Variants in LRP11 observed in about 807,000 individuals in gnomAD.
LRP11 encodes LDL receptor related protein 11.
LRP11 carries 25 observed loss-of-function variants against 43.1 expected under a neutral mutation model. That is an observed-to-expected ratio of 0.58 (90% CI 0.42 to 0.81). The LOEUF is 0.81. Among genes scored for constraint, LRP11 ranks in the 30% least tolerant of loss-of-function variants. LRP11 has a pLI of 0.00. For synonymous variants in LRP11, 316 were observed against 299.4 expected, an observed-to-expected ratio of 1.06 and a Z score of -0.57; for missense variants, 623 against 665.1, an observed-to-expected ratio of 0.94 and a Z score of 0.70.
At chr6:149,823,137 G>A (rs1352019735) in intron 6 of LRP11, among the ~76,000 whole-genome samples, 1 of 152,164 alleles carries the variant, frequency 6.6e-6, no homozygotes, top group Non-Finnish European at 1.5e-5. Flanking sequence ...TAGGGAGTGG[G>A]CTTTTGGAAG....
intron 2 of LRP11, among the ~76,000 whole-genome samples, chr6:149,850,825 T>C (rs1002404256): frequency 2.6e-5 from 4 of 152,214 alleles, no homozygotes; most frequent in African/African-American, 7.2e-5. Context: ...CAGCATTCCA[T>C]TGAAAGGTAC....
At chr6:149,823,011 G>C (rs1474461282) in intron 6 of LRP11, among the ~76,000 whole-genome samples, 2 of 152,080 alleles carry the variant, frequency 1.3e-5, no homozygotes, top group Admixed American at 6.5e-5. Context: ...GAAGAAGAAA[G>C]GTGAGCCAGG....
chr6:149,836,700 G>A (rs12204177), intron 4 of LRP11, among the ~76,000 whole-genome samples: 2 of 152,256 alleles, frequency 1.3e-5, no homozygotes, highest in African/African-American at 2.4e-5. Context: ...TGCAGTCCCA[G>A]CTACTGGGGA....
In LRP11 at chr6:149,834,505, T is replaced by A. The variant is rs543028041; in HGVS notation, c.1252+1580A>T. ...GGTTCTCTCCACCACAGTAATGTGG[T>A]AGGAATTCATCCATCCTGGCCTCTG... On this transcript the variant is annotated intron_variant, in intron 5 of 6. Transcript: ENST00000239367. 3.3e-5 allele frequency among the ~76,000 whole-genome samples: 5 copies of A among 152,220 alleles called. No individual in the cohort carries two copies. In the South Asian group the frequency reaches 1.0e-3, roughly 32 times the overall value.
intron 5 of LRP11, among the ~76,000 whole-genome samples, chr6:149,831,353 C>T (rs1776406025): frequency 6.6e-6 from 1 of 152,204 alleles, no homozygotes; most frequent in Admixed American, 6.5e-5. Flanking sequence ...CTTTTCTAGC[C>T]CTTTGTAGGG....
chr6:149,850,745 A>G (rs1450638224), intron 2 of LRP11, among the ~76,000 whole-genome samples: 1 of 152,218 alleles, frequency 6.6e-6, no homozygotes, highest in Non-Finnish European at 1.5e-5. Flanking sequence ...TCTATGGACA[A>G]GAATCATTTG....
chr6:149,834,779 A>G (rs959077879), intron 5 of LRP11, among the ~76,000 whole-genome samples: 3 of 152,270 alleles, frequency 2.0e-5, no homozygotes, highest in African/African-American at 7.2e-5. Context: ...AAACTCAGAA[A>G]GAAAAGCCCC....
intron 2 of LRP11, among the ~76,000 whole-genome samples, chr6:149,847,547 G>A (rs977307567): frequency 6.6e-6 from 1 of 152,158 alleles, no homozygotes; most frequent in African/African-American, 2.4e-5. Context: ...GGTTTACAGT[G>A]TTTCACAGAC....
intron 2 of LRP11, among the ~76,000 whole-genome samples, chr6:149,852,228 T>A (rs1406661758): frequency 6.6e-6 from 1 of 151,938 alleles, no homozygotes; most frequent in Non-Finnish European, 1.5e-5. Context: ...GACTTCCAGA[T>A]TTGTTTTTGT....
At chr6:149,849,233 T>C (rs1776684160) in intron 2 of LRP11, among the ~76,000 whole-genome samples, 1 of 152,240 alleles carries the variant, frequency 6.6e-6, no homozygotes, top group African/African-American at 2.4e-5. Context: ...TTCCTAAATG[T>C]CATATTTTAC....
In LRP11 at chr6:149,826,253, T is replaced by G; in HGVS notation, c.1348+11A>C. Reference sequence around the variant, plus strand: ...TACAGTCTGCAAAGGGTTTCCAAGGTGGACATTTACCTGTTTCTGGGGCTG... The same window carrying G: ...TACAGTCTGCAAAGGGTTTCCAAGGGGGACATTTACCTGTTTCTGGGGCTG... On this transcript the variant is annotated intron_variant, in intron 6 of 6. Coordinates refer to ENST00000239367, the MANE Select transcript of LRP11 (RefSeq NM_032832.6). 1 of 1,601,322 alleles carries G rather than the reference T, an allele frequency of 6.2e-7. No homozygotes were observed. The highest frequency in any genetic ancestry group is 8.6e-7 in the Non-Finnish European group (1 of 1,168,250).
At chr6:149,858,100 G>C (rs752514708) in intron 1 of LRP11, among the ~76,000 whole-genome samples, 1 of 152,058 alleles carries the variant, frequency 6.6e-6, no homozygotes, top group Non-Finnish European at 1.5e-5. Context: ...TGTGCACAAC[G>C]TGCAGGTTTG....
chr6:149,820,827 A>G, intron 6 of LRP11, 124 bp from the exon 7 acceptor site: 1 of 566,462 alleles, frequency 1.8e-6, no homozygotes, highest in Non-Finnish European at 3.2e-6. Flanking sequence ...TGTTATTAGT[A>G]TTATCACTAT....
chr6:149,830,007 C>CTTT (rs59467230), intron 5 of LRP11, among the ~76,000 whole-genome samples: 25 of 127,438 alleles, frequency 2.0e-4, no homozygotes, highest in East Asian at 4.7e-4. Flanking sequence ...TTATTATCCT[C>CTTT]TTTTTTTTTT....
In LRP11 at chr6:149,863,399, C is replaced by A. The variant is rs749355223; in HGVS notation, c.613+9G>T. 13 of 1,338,742 alleles carry A rather than the reference C, an allele frequency of 9.7e-6. 1 individual carries two copies. In the South Asian group the frequency reaches 2.6e-4, roughly 27 times the overall value. The allele number at this position is 1,338,742 out of a possible 1,614,324, so 82.9% of individuals were successfully genotyped here. ...CTGGCCAAGGCCGGCCCCTCAGTCG[C>A]GCGCTTACCCTGCCGGGGCGAGGCG... On this transcript the variant is annotated intron_variant, in intron 1 of 6. Transcript: ENST00000239367.
chr6:149,842,209 G>A (rs1043844232), intron 3 of LRP11, among the ~76,000 whole-genome samples: 2 of 151,978 alleles, frequency 1.3e-5, no homozygotes, highest in Non-Finnish European at 2.9e-5. Flanking sequence ...TTACACCCAA[G>A]AGCCAAGTCT....
chr6:149,842,925 C>T, intron 3 of LRP11, 58 bp downstream of exon 3: 2 of 1,604,214 alleles, frequency 1.2e-6, no homozygotes, highest in South Asian at 1.1e-5. Context: ...GGACAAAGCG[C>T]CAACCCGACA....
intron 5 of LRP11, among the ~76,000 whole-genome samples, chr6:149,830,199 T>C (rs1217313450): frequency 6.6e-6 from 1 of 151,890 alleles, no homozygotes; most frequent in African/African-American, 2.4e-5. Flanking sequence ...TTAGTAGAGA[T>C]GGGGTTTCTC....
At chr6:149,859,153 C>T (rs939211449) in intron 1 of LRP11, among the ~76,000 whole-genome samples, 20 of 151,946 alleles carry the variant, frequency 1.3e-4, no homozygotes, top group Non-Finnish European at 2.5e-4. Flanking sequence ...AGGGAAGTAG[C>T]AATTTACACC....
Sources: gnomAD v4.1 joint callset for allele counts (sites outside exome capture counted in the v4.1 genomes callset) on GRCh38, gnomAD v4.1.1 for gene constraint, MANE v1.5 for transcripts, NCBI Gene and HGNC (gene_info 2026-07-23, HGNC 2026-07-21) for gene names.